Variants in CNNM2 observed in about 807,000 individuals in gnomAD.
The protein encoded by CNNM2 is metal transporter CNNM2.
In CNNM2, 12 loss-of-function variants were observed where a neutral mutation model predicts 66.9. The ratio of observed to expected loss-of-function variants is 0.18; its 90% CI spans 0.11 to 0.29. The LOEUF (loss-of-function observed/expected upper bound fraction) is 0.29. Ranked by LOEUF, CNNM2 falls within the 10% of genes least tolerant of loss-of-function variation. CNNM2 has a pLI of 1.00. For missense variants in CNNM2, 705 were observed against 1,167.7 expected, an observed-to-expected ratio of 0.60 and a Z score of 5.77; for synonymous variants, 557 against 501.8, an observed-to-expected ratio of 1.11 and a Z score of -1.47.
chr10:103,048,907 G>A (rs990329008), intron 1 of CNNM2, among the ~76,000 whole-genome samples: 1 of 152,126 alleles, frequency 6.6e-6, no homozygotes, highest in Non-Finnish European at 1.5e-5. Context: ...CTAGGCTGGA[G>A]TGCAGTGGCT....
chr10:103,074,306 G>T (rs1223830220), intron 6 of CNNM2, among the ~76,000 whole-genome samples: 1 of 151,926 alleles, frequency 6.6e-6, no homozygotes, highest in Non-Finnish European at 1.5e-5. Context: ...CAAAACAAAA[G>T]GGTACCCGGT....
intron 1 of CNNM2, among the ~76,000 whole-genome samples, chr10:102,932,276 C>G (rs1295326181): frequency 1.3e-5 from 2 of 151,322 alleles, no homozygotes; most frequent in Admixed American, 1.3e-4. Flanking sequence ...TCTTGAATTC[C>G]TGGCCTCAAC....
intron 1 of CNNM2, among the ~76,000 whole-genome samples, chr10:102,928,582 CAAAAAAAAAA>C (rs34854394): frequency 2.5e-5 from 3 of 121,028 alleles, no homozygotes; most frequent in African/African-American, 9.2e-5. Context: ...AACTCTGTCT[CAAAAAAAAAA>C]AAAAAAAGAA....
rs1348242202 is a variant in CNNM2 at position 103,084,468 on chromosome 10, G to A, written c.*7288G>A. On this transcript the variant is annotated 3_prime_UTR_variant, in exon 8 of 8. Coordinates refer to ENST00000369878, the MANE Select transcript of CNNM2 (RefSeq NM_017649.5). Reference sequence around the variant, plus strand: ...CCCTGCTTGCTTTCATTAGAAGCAGGGCAGAAAGTGGCAGCAGAGCTAGGG... The same window carrying A: ...CCCTGCTTGCTTTCATTAGAAGCAGAGCAGAAAGTGGCAGCAGAGCTAGGG... 1 of 152,164 alleles carries A rather than the reference G, an allele frequency of 6.6e-6. No individual in the cohort carries two copies. The highest frequency in any genetic ancestry group is 1.9e-4 in the East Asian group (1 of 5,200). 9.4% of individuals were successfully genotyped at this position (152,164 alleles called of 1,614,324 possible). A position where few individuals can be genotyped will look rare whatever the true frequency, so the allele number is the denominator to read the frequency against.
intron 2 of CNNM2, among the ~76,000 whole-genome samples, chr10:103,051,956 T>G (rs1436286189): frequency 6.6e-6 from 1 of 152,040 alleles, no homozygotes; most frequent in African/African-American, 2.4e-5. Context: ...TACGTTCTTT[T>G]CATCCTTCCT....
intron 4 of CNNM2, among the ~76,000 whole-genome samples, chr10:103,059,968 C>A (rs1457576002): frequency 1.3e-5 from 2 of 151,968 alleles, no homozygotes; most frequent in Non-Finnish European, 2.9e-5. Context: ...AGATCCCCTT[C>A]TCTACAAAAA....
intron 1 of CNNM2, among the ~76,000 whole-genome samples, chr10:103,028,333 T>G (rs1033548920): frequency 9.2e-5 from 14 of 152,358 alleles, no homozygotes; most frequent in African/African-American, 3.4e-4. Context: ...TTTTTTTACT[T>G]GACAACTCAT....
intron 1 of CNNM2, among the ~76,000 whole-genome samples, chr10:102,926,719 T>C (rs1232883762): frequency 2.2e-5 from 3 of 136,132 alleles, no homozygotes; most frequent in Admixed American, 2.2e-4. Flanking sequence ...CTAATTTTTT[T>C]TTTTTTTTTT....
chr10:102,953,363 TCTC>T (rs796203848), intron 1 of CNNM2, among the ~76,000 whole-genome samples: 31 of 151,962 alleles, frequency 2.0e-4, no homozygotes, highest in African/African-American at 6.8e-4. Context: ...TTCAAGCAGT[TCTC>T]CTGCCTCAGC....
intron 1 of CNNM2, among the ~76,000 whole-genome samples, chr10:103,012,565 T>C (rs1295282565): frequency 6.6e-6 from 1 of 151,808 alleles, no homozygotes; most frequent in Non-Finnish European, 1.5e-5. Context: ...GGAGAATTGC[T>C]TGAACCTGGG....
chr10:103,019,088 C>G (rs940869753), intron 1 of CNNM2, among the ~76,000 whole-genome samples: 5 of 151,434 alleles, frequency 3.3e-5, no homozygotes, highest in Admixed American at 2.6e-4. Context: ...GGCAGCACGG[C>G]GAGATCCCAT....
chr10:103,069,866 A>G (rs2065545430), intron 5 of CNNM2, among the ~76,000 whole-genome samples: 1 of 152,212 alleles, frequency 6.6e-6, no homozygotes, highest in Non-Finnish European at 1.5e-5. Context: ...TCAAACCTAA[A>G]AATAACCCAT....
chr10:103,026,601 CAAAAAA>C (rs887780071), intron 1 of CNNM2, among the ~76,000 whole-genome samples: 5 of 64,918 alleles, frequency 7.7e-5, no homozygotes, highest in East Asian at 4.6e-4. Flanking sequence ...ACCTTGTCTT[CAAAAAA>C]AAAAAAAAAA....
intron 1 of CNNM2, among the ~76,000 whole-genome samples, chr10:103,014,244 G>A (rs1025922196): frequency 6.6e-6 from 1 of 152,170 alleles, no homozygotes; most frequent in Non-Finnish European, 1.5e-5. Context: ...AAGACAAGAC[G>A]TTGTCCTTGC....
At chr10:103,005,972 G>A (rs2064218753) in intron 1 of CNNM2, among the ~76,000 whole-genome samples, 2 of 152,040 alleles carry the variant, frequency 1.3e-5, no homozygotes, top group Admixed American at 1.3e-4. Context: ...CAAGCTCATG[G>A]TTATATATAG....
intron 1 of CNNM2, among the ~76,000 whole-genome samples, chr10:102,922,963 A>T (rs1230856334): frequency 6.6e-6 from 1 of 151,892 alleles, no homozygotes; most frequent in African/African-American, 2.4e-5. Context: ...AAAGAAACAA[A>T]ATTGTCCTTC....
chr10:103,002,696 T>G (rs1455435273), intron 1 of CNNM2, among the ~76,000 whole-genome samples: 1 of 152,056 alleles, frequency 6.6e-6, no homozygotes. Flanking sequence ...TCAGACTTGT[T>G]TCGAACTCCC....
intron 1 of CNNM2, among the ~76,000 whole-genome samples, chr10:102,934,740 A>T (rs1014424995): frequency 6.6e-6 from 1 of 152,138 alleles, no homozygotes; most frequent in Non-Finnish European, 1.5e-5. Flanking sequence ...GCTACTTGGG[A>T]GGCTGAGGTG....
At chr10:103,010,286 G>A (rs893191957) in intron 1 of CNNM2, among the ~76,000 whole-genome samples, 1 of 151,676 alleles carries the variant, frequency 6.6e-6, no homozygotes, top group African/African-American at 2.4e-5. Context: ...TACCCAGACT[G>A]GAGTGCAGTG....
Sources: gnomAD v4.1 joint callset for allele counts (sites outside exome capture counted in the v4.1 genomes callset) on GRCh38, gnomAD v4.1.1 for gene constraint, MANE v1.5 for transcripts, NCBI Gene and HGNC (gene_info 2026-07-23, HGNC 2026-07-21) for gene names.